The following SPOP variants were observed in gnomAD, a reference collection of about 807,000 sequenced individuals.
SPOP encodes the protein speckle type BTB/POZ protein, also known as speckle-type POZ protein.
Under a neutral mutation model 45.6 loss-of-function variants are expected in SPOP, and 11 were observed. The ratio of observed to expected loss-of-function variants is 0.24; its 90% CI spans 0.15 to 0.40. The LOEUF is 0.40. Among genes scored for constraint, SPOP ranks in the 10% least tolerant of loss-of-function variants. The pLI is 1.00. For missense variants in SPOP, 152 were observed against 465.6 expected, an observed-to-expected ratio of 0.33 and a Z score of 6.20; for synonymous variants, 166 against 166.3, an observed-to-expected ratio of 1.00 and a Z score of 0.01.
intron 1 of SPOP, 75 bp from the exon 2 acceptor site, chr17:49,622,951 G>C (rs958219317): frequency 1.2e-5 from 8 of 684,194 alleles, no homozygotes; most frequent in Non-Finnish European, 2.0e-5. Flanking sequence ...TGACCTGATA[G>C]AGGCTGGAAA....
intron 1 of SPOP, among the ~76,000 whole-genome samples, chr17:49,645,112 T>G (rs187709529): frequency 7.2e-5 from 11 of 152,270 alleles, no homozygotes; most frequent in Admixed American, 1.3e-4. Context: ...AAATAGATAC[T>G]AATGCAGCCT....
In SPOP at chr17:49,600,285, C is replaced by T; in HGVS notation, c.*93G>A. 2.0e-6 allele frequency: 3 copies of T among 1,532,170 alleles called. No homozygotes were observed. The highest frequency in any genetic ancestry group is 2.3e-5 in the East Asian group (1 of 44,336). 94.9% of individuals were successfully genotyped at this position (1,532,170 alleles called of 1,614,324 possible). ...TCTTCCCCTCACAACAGAGTAAAAG[C>T]TCCACAGATTGCGCTGTCTACCTGG... is the stretch of plus-strand genomic sequence containing the variant. On this transcript the variant is annotated 3_prime_UTR_variant, in exon 10 of 10. Transcript: ENST00000504102. The surrounding 1 kb of genome is among the most constrained non-coding windows in gnomAD (Gnocchi z 4.2).
chr17:49,658,572 A>G (rs998009348), intron 1 of SPOP, among the ~76,000 whole-genome samples: 9 of 152,202 alleles, frequency 5.9e-5, no homozygotes, highest in African/African-American at 2.2e-4. Flanking sequence ...CAAGCCAGCA[A>G]GTTTCTGAAA....
chr17:49,653,611 T>G (rs185237330), intron 1 of SPOP, among the ~76,000 whole-genome samples: 7 of 151,884 alleles, frequency 4.6e-5, no homozygotes, highest in Admixed American at 2.0e-4. Context: ...TATTGTCAAA[T>G]TGCCCTCCAA....
chr17:49,640,731 C>T (rs1274868135), intron 1 of SPOP, among the ~76,000 whole-genome samples: 1 of 152,198 alleles, frequency 6.6e-6, no homozygotes, highest in Non-Finnish European at 1.5e-5. Context: ...ACAATCTGGA[C>T]TTGATTACCT....
intron 8 of SPOP, among the ~76,000 whole-genome samples, chr17:49,605,989 C>CAAA (rs564333269): frequency 5.1e-5 from 7 of 136,162 alleles, no homozygotes; most frequent in African/African-American, 1.9e-4. Context: ...ACTCCCTTCT[C>CAAA]AAAAAAAAAA....
intron 1 of SPOP, among the ~76,000 whole-genome samples, chr17:49,656,654 G>T (rs2072917153): frequency 6.6e-6 from 1 of 152,164 alleles, no homozygotes; most frequent in Admixed American, 6.5e-5. Flanking sequence ...TTGTTCTGAA[G>T]CATTTCCTAA....
intron 1 of SPOP, among the ~76,000 whole-genome samples, chr17:49,635,626 A>ATC: frequency 6.9e-6 from 1 of 145,314 alleles, no homozygotes; most frequent in Non-Finnish European, 1.5e-5. Context: ...TCTTTAAGGT[A>ATC]TCTCTCTTTT....
chr17:49,660,263 A>G (rs998075724), intron 1 of SPOP, among the ~76,000 whole-genome samples: 2 of 152,312 alleles, frequency 1.3e-5, no homozygotes, highest in Non-Finnish European at 2.9e-5. Flanking sequence ...AGGCACATAC[A>G]TACCTCATGG....
At chr17:49,631,405 G>A (rs1466530202) in intron 1 of SPOP, among the ~76,000 whole-genome samples, 2 of 152,174 alleles carry the variant, frequency 1.3e-5, no homozygotes, top group African/African-American at 4.8e-5. Flanking sequence ...AGGAAACTGG[G>A]TACACCTGAG....
chr17:49,600,195 T>A lies in SPOP; in HGVS notation c.*183A>T, dbSNP rs2071714358. 6.4e-6 allele frequency: 5 copies of A among 785,742 alleles called. No homozygotes were observed. In the South Asian group the frequency reaches 8.5e-5, roughly 13 times the overall value. The allele number at this position is 785,742 out of a possible 1,614,324, so 48.7% of individuals were successfully genotyped here. On this transcript the variant is annotated 3_prime_UTR_variant, in exon 10 of 10. Coordinates refer to ENST00000504102, the MANE Select transcript of SPOP (RefSeq NM_001007228.2). This position sits in a 1 kb window ranked among gnomAD's most constrained non-coding sequence, Gnocchi z 4.2. ...CAGCAACAGGGTTTTCATTTCATTT[T>A]CCCTCCCCCCGTTTCCCCCAAGTTA...
At chr17:49,615,876 G>A (rs1884953559) in intron 5 of SPOP, among the ~76,000 whole-genome samples, 1 of 152,050 alleles carries the variant, frequency 6.6e-6, no homozygotes, top group South Asian at 2.1e-4. Flanking sequence ...TGACTCCCTG[G>A]GCACTGCTTC....
chr17:49,671,839 C>G (rs1413204300), intron 1 of SPOP, among the ~76,000 whole-genome samples: 5 of 152,052 alleles, frequency 3.3e-5, no homozygotes, highest in Non-Finnish European at 7.4e-5. Flanking sequence ...AACCCCATTT[C>G]TATTCAAAAC....
chr17:49,637,068 C>T (rs912687187), intron 1 of SPOP, among the ~76,000 whole-genome samples: 3 of 151,984 alleles, frequency 2.0e-5, no homozygotes, highest in Admixed American at 6.6e-5. Context: ...AAAAAATTAG[C>T]CAGGCATGGT....
At chr17:49,656,192 C>A (rs2072911168) in intron 1 of SPOP, among the ~76,000 whole-genome samples, 1 of 152,068 alleles carries the variant, frequency 6.6e-6, no homozygotes, top group African/African-American at 2.4e-5. Context: ...TTTGATATTA[C>A]AAAAGAATCT....
intron 6 of SPOP, among the ~76,000 whole-genome samples, chr17:49,609,198 T>C (rs2071915684): frequency 6.6e-6 from 1 of 152,006 alleles, no homozygotes; most frequent in Admixed American, 6.6e-5. Flanking sequence ...CATGAGCCAC[T>C]GCACCCGGCC....
chr17:49,623,627 C>A (rs986493048), intron 1 of SPOP, among the ~76,000 whole-genome samples: 1 of 152,186 alleles, frequency 6.6e-6, no homozygotes, highest in African/African-American at 2.4e-5. Flanking sequence ...AAGGAATCTT[C>A]TATTCCTCAA....
intron 8 of SPOP, 139 bp downstream of exon 8, chr17:49,607,111 A>G (rs767061681): frequency 1.1e-5 from 11 of 977,578 alleles, no homozygotes; most frequent in East Asian, 2.5e-5. Flanking sequence ...TGTTGGAATA[A>G]TATGTGTAAA....
At chr17:49,636,807 T>A (rs2072550469) in intron 1 of SPOP, 1 of 152,174 alleles carries the variant, frequency 6.6e-6, no homozygotes, top group African/African-American at 2.4e-5. Flanking sequence ...TAACAGGAAA[T>A]CTCTGTTGGA....
Sources: gnomAD v4.1 joint callset for allele counts (sites outside exome capture counted in the v4.1 genomes callset) on GRCh38, gnomAD v4.1.1 for gene constraint, Gnocchi (gnomAD v3.1) non-coding constraint, MANE v1.5 for transcripts, NCBI Gene and HGNC (gene_info 2026-07-23, HGNC 2026-07-21) for gene names.